MAP4K3: variants seen among roughly 807,000 people sequenced by gnomAD.
The protein encoded by MAP4K3 is MAPK/ERK kinase kinase kinase 3.
In MAP4K3, 94 loss-of-function variants were observed where a neutral mutation model predicts 143.5. That is an observed-to-expected ratio of 0.65 (90% CI 0.55 to 0.78). MAP4K3 has a LOEUF of 0.78. Among genes scored for constraint, MAP4K3 ranks in the 30% least tolerant of loss-of-function variants. The pLI is 0.00. For missense variants in MAP4K3, 1,077 were observed against 1,068.1 expected, an observed-to-expected ratio of 1.01 and a Z score of -0.12; for synonymous variants, 416 against 347.2, an observed-to-expected ratio of 1.20 and a Z score of -2.20.
At chr2:39,265,796 A>T (rs572232077) in intron 27 of MAP4K3, among the ~76,000 whole-genome samples, 2 of 152,322 alleles carry the variant, frequency 1.3e-5, no homozygotes, top group African/African-American at 4.8e-5. Flanking sequence ...TCTTATGGTC[A>T]CTAGAAAACA....
intron 1 of MAP4K3, among the ~76,000 whole-genome samples, chr2:39,411,704 C>T (rs1008924966): frequency 2.6e-5 from 4 of 152,092 alleles, no homozygotes; most frequent in African/African-American, 9.7e-5. Flanking sequence ...TTCATGAGCA[C>T]AGAAGTTTGT....
intron 2 of MAP4K3, among the ~76,000 whole-genome samples, chr2:39,374,269 CT>C (rs1201402969): frequency 6.6e-6 from 1 of 152,098 alleles, no homozygotes; most frequent in Non-Finnish European, 1.5e-5. Flanking sequence ...GTAATTCCAG[CT>C]ATTCATGAAG....
At chr2:39,254,217 A>G (rs1680258071) in intron 32 of MAP4K3, among the ~76,000 whole-genome samples, 1 of 152,212 alleles carries the variant, frequency 6.6e-6, no homozygotes, top group African/African-American at 2.4e-5. Flanking sequence ...CTTGTTCTAA[A>G]TTTCAGACTG....
chr2:39,313,323 C>T (rs1683002923), intron 13 of MAP4K3, among the ~76,000 whole-genome samples: 1 of 152,086 alleles, frequency 6.6e-6, no homozygotes, highest in African/African-American at 2.4e-5. Flanking sequence ...CACCCAGGTA[C>T]TAAGCCTAGT....
intron 26 of MAP4K3, 88 bp from the exon 27 acceptor site, chr2:39,267,335 T>C: frequency 2.0e-6 from 2 of 989,612 alleles, no homozygotes; most frequent in South Asian, 2.6e-5. Flanking sequence ...GCACAAAGGA[T>C]GAGTTCAAAA....
chr2:39,428,234 C>T (rs938889939), intron 1 of MAP4K3, among the ~76,000 whole-genome samples: 1 of 152,156 alleles, frequency 6.6e-6, no homozygotes, highest in African/African-American at 2.4e-5. Context: ...TCCTAAACAA[C>T]CTAGCAGTGT....
In MAP4K3 at chr2:39,325,880, A is replaced by G. The variant is rs1683474507; in HGVS notation, c.725+19T>C. ...TTTGCTCATCTCACCATAAAAGTAA[A>G]TAACATAAAAATACTTACCATTTCA... On this transcript the variant is annotated intron_variant, in intron 10 of 33. Coordinates refer to ENST00000263881, the MANE Select transcript of MAP4K3 (RefSeq NM_003618.4). 13 of 1,566,654 alleles carry G rather than the reference A, an allele frequency of 8.3e-6. No homozygotes were observed. In the East Asian group the frequency reaches 1.3e-4, roughly 16 times the overall value.
chr2:39,423,779 GAATA>G (rs1005787554), intron 1 of MAP4K3, among the ~76,000 whole-genome samples: 2 of 152,168 alleles, frequency 1.3e-5, no homozygotes, highest in Non-Finnish European at 2.9e-5. Context: ...AATGGAAGAT[GAATA>G]GATAGAAAAT....
intron 1 of MAP4K3, among the ~76,000 whole-genome samples, chr2:39,391,375 A>AG (rs1404691225): frequency 5.3e-5 from 8 of 149,892 alleles, no homozygotes; most frequent in African/African-American, 2.0e-4. Flanking sequence ...AAAAAAAAAA[A>AG]AAAAAAGAAA....
chr2:39,417,635 TACAG>T (rs921470187), intron 1 of MAP4K3, among the ~76,000 whole-genome samples: 2 of 152,204 alleles, frequency 1.3e-5, no homozygotes, highest in Non-Finnish European at 2.9e-5. Context: ...TTAAAACAGA[TACAG>T]ACAGAGAGAT....
chr2:39,431,273 A>T (rs1322636316), intron 1 of MAP4K3, among the ~76,000 whole-genome samples: 7 of 152,210 alleles, frequency 4.6e-5, no homozygotes, highest in African/African-American at 1.7e-4. Context: ...AGGTGGAGAC[A>T]GGGAGCCAGG....
At chr2:39,356,420 T>C (rs1486280759) in intron 2 of MAP4K3, 81 bp from the exon 3 acceptor site, 11 of 752,594 alleles carry the variant, frequency 1.5e-5, no homozygotes, top group Admixed American at 4.7e-5. Context: ...ATAAAATAAT[T>C]ATACGTATTA....
intron 3 of MAP4K3, among the ~76,000 whole-genome samples, chr2:39,348,449 TGAG>T (rs1005943928): frequency 6.6e-6 from 1 of 152,164 alleles, no homozygotes; most frequent in African/African-American, 2.4e-5. Flanking sequence ...TCCAAAAGCT[TGAG>T]TAGTCATAGT....
chr2:39,396,292 C>T (rs948083769), intron 1 of MAP4K3, among the ~76,000 whole-genome samples: 1 of 152,004 alleles, frequency 6.6e-6, no homozygotes, highest in African/African-American at 2.4e-5. Context: ...CCTCCCACCT[C>T]GACCTCATGA....
At position 39,332,107 on chromosome 2, in the gene MAP4K3, A is replaced by G. The variant is rs1683703972; in HGVS notation, c.458-118T>C. On this transcript the variant is annotated intron_variant, in intron 7 of 33. Transcript: ENST00000263881. ...TAAGTTAATTTTACAGCAATACGGG[A>G]TATTCTCAAACATCACATTACAAAT... 3 of 514,136 alleles carry G rather than the reference A, an allele frequency of 5.8e-6. No homozygotes were observed. The Admixed American group carries it at 9.2e-5, about 16-fold the overall frequency. The allele number at this position is 514,136 out of a possible 1,614,324, so 31.8% of individuals were successfully genotyped here.
intron 4 of MAP4K3, among the ~76,000 whole-genome samples, chr2:39,340,178 C>T (rs1665099095): frequency 6.6e-6 from 1 of 152,156 alleles, no homozygotes; most frequent in Non-Finnish European, 1.5e-5. Flanking sequence ...ATATAATACT[C>T]TCTCTATATA....
chr2:39,347,090 CTCTT>C lies in MAP4K3; in HGVS notation c.246-3642_246-3639del, dbSNP rs545918485. Among the ~76,000 whole-genome samples, 474 of 152,246 alleles carry C rather than the reference CTCTT, an allele frequency of 3.1e-3. 4 individuals are homozygous for C. The highest frequency in any genetic ancestry group is 0.011 in the African/African-American group (451 of 41,534). Reference sequence around the variant, plus strand: ...TAAGAAATTATCTGCTCTTTACATTCTCTTTCTCTCATGAGAGTACAATGGAGTT... The same window carrying C: ...TAAGAAATTATCTGCTCTTTACATTCTCTCTCATGAGAGTACAATGGAGTT... On this transcript the variant is annotated intron_variant, in intron 3 of 33. Coordinates refer to ENST00000263881, the MANE Select transcript of MAP4K3 (RefSeq NM_003618.4).
intron 18 of MAP4K3, 54 bp downstream of exon 18, chr2:39,292,718 GA>G (rs1682098987): frequency 8.5e-6 from 12 of 1,406,030 alleles, no homozygotes; most frequent in South Asian, 1.2e-5. Context: ...CCAGATTGAT[GA>G]AATCAGGTCA....
intron 19 of MAP4K3, among the ~76,000 whole-genome samples, chr2:39,289,086 T>A (rs977973176): frequency 6.6e-6 from 1 of 152,094 alleles, no homozygotes; most frequent in Non-Finnish European, 1.5e-5. Flanking sequence ...AAAAACGTTA[T>A]CATGTTGGAG....
Sources: allele counts gnomAD v4.1 joint callset (sites outside exome capture counted in the v4.1 genomes callset), GRCh38; gene constraint gnomAD v4.1.1; transcripts MANE v1.5; gene names NCBI Gene and HGNC (gene_info 2026-07-23, HGNC 2026-07-21).